The following IL1RAP variants were observed in gnomAD, a reference collection of about 807,000 sequenced individuals.
The protein encoded by IL1RAP is interleukin-1 receptor accessory protein.
IL1RAP carries 35 observed loss-of-function variants against 60.7 expected under a neutral mutation model. The observed-to-expected ratio is 0.58, with a 90% CI of 0.44 to 0.76. The LOEUF (loss-of-function observed/expected upper bound fraction) is 0.76. Among genes scored for constraint, IL1RAP ranks in the 30% least tolerant of loss-of-function variants. The pLI is 0.00. For missense variants in IL1RAP, 572 were observed against 693.9 expected, an observed-to-expected ratio of 0.82 and a Z score of 1.97; for synonymous variants, 268 against 250.9, an observed-to-expected ratio of 1.07 and a Z score of -0.64.
chr3:190,634,707 G>GTTTTTTTTTTTTTTTTTTTTTTTTTTTTT (rs1167445179), intron 9 of IL1RAP, among the ~76,000 whole-genome samples: 2 of 134,714 alleles, frequency 1.5e-5, no homozygotes, highest in African/African-American at 3.0e-5. Flanking sequence ...GGCCTGTTGT[G>GTTTTTTTTTTTTTTTTTTTTTTTTTTTTT]TTTTTTTTTT....
chr3:190,515,159 A>G (rs755374743), intron 1 of IL1RAP, among the ~76,000 whole-genome samples: 24 of 151,948 alleles, frequency 1.6e-4, no homozygotes, highest in Non-Finnish European at 2.8e-4. Flanking sequence ...CAGCTCTTCC[A>G]TGTATTAGCA....
chr3:190,568,483 T>G (rs1166010232), intron 3 of IL1RAP, among the ~76,000 whole-genome samples: 1 of 152,212 alleles, frequency 6.6e-6, no homozygotes, highest in Admixed American at 6.5e-5. Context: ...TTTTACAAAA[T>G]TGGTAGAGAA....
chr3:190,649,930 G>T lies in IL1RAP; in HGVS notation c.*1225G>T. On this transcript the variant is annotated 3_prime_UTR_variant, in exon 12 of 12. Coordinates refer to ENST00000447382, the MANE Select transcript of IL1RAP (RefSeq NM_002182.4). ...GTGGTAAATATCTATGTTACATGTA[G>T]ATTATACATATATATACACACGTGT... 1.1e-6 allele frequency: 1 copy of T among 899,476 alleles called. No individual in the cohort carries two copies. The highest frequency in any genetic ancestry group is 1.3e-6 in the Non-Finnish European group (1 of 751,852). 55.7% of individuals were successfully genotyped at this position (899,476 alleles called of 1,614,324 possible).
chr3:190,604,536 A>G, intron 4 of IL1RAP, 123 bp downstream of exon 4: 3 of 1,018,158 alleles, frequency 2.9e-6, no homozygotes, highest in Non-Finnish European at 4.2e-6. Flanking sequence ...TTAGTGAGGT[A>G]ATTGTCTGCA....
At chr3:190,590,132 A>G (rs1038005011) in intron 3 of IL1RAP, among the ~76,000 whole-genome samples, 1 of 152,174 alleles carries the variant, frequency 6.6e-6, no homozygotes, top group Non-Finnish European at 1.5e-5. Flanking sequence ...ATTTTCGTGT[A>G]TCATCTTATT....
chr3:190,656,426 G>A (rs760850409), downstream of IL1RAP: 18 of 1,537,190 alleles, frequency 1.2e-5, no homozygotes, highest in Middle Eastern at 3.3e-4. Flanking sequence ...AACAAGAGCC[G>A]GGCAGAGATT....
rs1355066112 is a variant in IL1RAP, at chr3:190,572,966, C to T, written c.64+8613C>T. ...GCAAGCTCCGCCTCCCGGGTTCACG[C>T]CATTCTCCTGCCTCAGCCTCCCGAG... On this transcript the variant is annotated intron_variant, in intron 3 of 11. Coordinates refer to ENST00000447382, the MANE Select transcript of IL1RAP (RefSeq NM_002182.4). 5.9e-5 allele frequency among the ~76,000 whole-genome samples: 4 copies of T among 68,258 alleles called. 1 individual carries two copies. The East Asian group carries it at 1.1e-3, about 20-fold the overall frequency. 44.8% of individuals were successfully genotyped at this position (68,258 alleles called of 152,430 possible).
intron 6 of IL1RAP, 98 bp from the exon 7 acceptor site, chr3:190,623,246 C>G: frequency 1.2e-6 from 1 of 868,960 alleles, no homozygotes; most frequent in Non-Finnish European, 1.9e-6. Context: ...AACTGACAAA[C>G]TATGCCAGGA....
chr3:190,562,694 CCACACACACACACACACA>C (rs56393536), intron 2 of IL1RAP, among the ~76,000 whole-genome samples: 16 of 146,638 alleles, frequency 1.1e-4, no homozygotes, highest in Admixed American at 5.4e-4. Context: ...CATATCTCGT[CCACACACACACACACACA>C]CACACACACA....
At chr3:190,599,419 A>T (rs1335469738) in intron 3 of IL1RAP, among the ~76,000 whole-genome samples, 1 of 151,240 alleles carries the variant, frequency 6.6e-6, no homozygotes, top group African/African-American at 2.4e-5. Context: ...TCGCTTCATT[A>T]TCTTCTAGTT....
intron 3 of IL1RAP, among the ~76,000 whole-genome samples, chr3:190,587,908 A>G (rs1245589337): frequency 6.6e-6 from 1 of 152,168 alleles, no homozygotes; most frequent in Non-Finnish European, 1.5e-5. Context: ...ATGGGGCAAT[A>G]TCCTCTATAT....
chr3:190,620,603 G>A (rs549960057), intron 6 of IL1RAP, among the ~76,000 whole-genome samples, 163 bp downstream of exon 6: 3 of 152,092 alleles, frequency 2.0e-5, no homozygotes, highest in Admixed American at 1.3e-4. Context: ...CATGCACATC[G>A]TAAGCATTCA....
chr3:190,514,909 T>C (rs2108573288), intron 1 of IL1RAP, among the ~76,000 whole-genome samples: 1 of 152,232 alleles, frequency 6.6e-6, no homozygotes, highest in Non-Finnish European at 1.5e-5. Flanking sequence ...CATGGAACCA[T>C]AGAGCCCCTT....
chr3:190,610,968 G>C (rs1332484763), intron 5 of IL1RAP, among the ~76,000 whole-genome samples: 2 of 152,170 alleles, frequency 1.3e-5, no homozygotes, highest in African/African-American at 4.8e-5. Flanking sequence ...GTTACATTTG[G>C]ATGATGATAG....
intron 5 of IL1RAP, among the ~76,000 whole-genome samples, chr3:190,619,333 G>T (rs1352525086): frequency 1.3e-5 from 2 of 152,142 alleles, no homozygotes; most frequent in Admixed American, 6.6e-5. Flanking sequence ...AATGTCAACA[G>T]TTATATGCAA....
chr3:190,598,432 A>T (rs756896346), intron 3 of IL1RAP, among the ~76,000 whole-genome samples: 9 of 152,190 alleles, frequency 5.9e-5, no homozygotes, highest in Non-Finnish European at 8.8e-5. Flanking sequence ...TCTAACAGAA[A>T]GTAGTTATGA....
intron 1 of IL1RAP, among the ~76,000 whole-genome samples, chr3:190,531,228 G>A (rs1722958452): frequency 6.6e-6 from 1 of 152,116 alleles, no homozygotes; most frequent in Middle Eastern, 3.4e-3. Flanking sequence ...TCTAGCCTGA[G>A]CAACAGAGCA....
intron 3 of IL1RAP, among the ~76,000 whole-genome samples, chr3:190,571,752 TGGCCCGCG>T (rs1386581513): frequency 6.6e-6 from 1 of 152,170 alleles, no homozygotes; most frequent in African/African-American, 2.4e-5. Flanking sequence ...GTCCAACCCG[TGGCCCGCG>T]GGCCACATGA....
chr3:190,655,907 T>C, downstream of IL1RAP: 2 of 1,537,256 alleles, frequency 1.3e-6, no homozygotes, highest in Non-Finnish European at 1.7e-6. Flanking sequence ...GAAGCAGTTT[T>C]TGATTTCATT....
Sources: allele counts gnomAD v4.1 joint callset (sites outside exome capture counted in the v4.1 genomes callset), GRCh38; gene constraint gnomAD v4.1.1; transcripts MANE v1.5; gene names NCBI Gene and HGNC (gene_info 2026-07-23, HGNC 2026-07-21).